The following FMNL2 variants were observed in gnomAD, a reference collection of about 807,000 sequenced individuals.
FMNL2 encodes formin like 2.
A neutral mutation model predicts 130.2 loss-of-function variants in FMNL2; 51 were observed. That is an observed-to-expected ratio of 0.39 (90% CI 0.31 to 0.49). The LOEUF (loss-of-function observed/expected upper bound fraction) is 0.49. Ranked by LOEUF, FMNL2 falls within the 20% of genes least tolerant of loss-of-function variation. The pLI is 0.85. For missense variants in FMNL2, 977 were observed against 1,316.2 expected, an observed-to-expected ratio of 0.74 and a Z score of 3.99; for synonymous variants, 465 against 467.1, an observed-to-expected ratio of 1.00 and a Z score of 0.06.
At chr2:152,631,935 A>G in intron 20 of FMNL2, 73 bp from the exon 21 acceptor site, 1 of 1,501,906 alleles carries the variant, frequency 6.7e-7, no homozygotes, top group Middle Eastern at 1.8e-4. Flanking sequence ...TGGGTGGGAA[A>G]TCGTCACCTG....
At chr2:152,412,501 TAA>T (rs1432523152) in intron 1 of FMNL2, among the ~76,000 whole-genome samples, 4 of 99,012 alleles carry the variant, frequency 4.0e-5, no homozygotes, top group African/African-American at 8.0e-5. Flanking sequence ...TATATATATA[TAA>T]ATTAGAAAAA....
intron 2 of FMNL2, among the ~76,000 whole-genome samples, chr2:152,538,506 C>T (rs1009369081): frequency 1.3e-5 from 2 of 152,188 alleles, no homozygotes; most frequent in African/African-American, 2.4e-5. Flanking sequence ...TCTCAATCTC[C>T]TGACCACAGG....
rs141277375 is a variant in FMNL2, at chr2:152,496,962, C to A, written c.118-24981C>A. The stretch of plus-strand genomic sequence containing the variant: ...GAATCAGTCATTTTTCTAAGAAGCT[C>A]TAGTTCGCCTTATTAGAGAAAGGTA... On this transcript the variant is annotated intron_variant, in intron 1 of 25. Coordinates refer to ENST00000288670, the MANE Select transcript of FMNL2 (RefSeq NM_052905.4). Among the ~76,000 whole-genome samples the A allele has an allele frequency of 9.9e-5, 15 of 151,704 alleles. No homozygotes were observed. The East Asian group carries it at 2.9e-3, about 29-fold the overall frequency.
chr2:152,428,044 A>C (rs1329405220), intron 1 of FMNL2, among the ~76,000 whole-genome samples: 1 of 152,228 alleles, frequency 6.6e-6, no homozygotes, highest in Non-Finnish European at 1.5e-5. Context: ...ATATTGTCAC[A>C]CTGCCAAATT....
intron 20 of FMNL2, among the ~76,000 whole-genome samples, chr2:152,631,392 C>CAAAAAAAAA (rs33966314): frequency 5.2e-5 from 4 of 77,240 alleles, no homozygotes; most frequent in Admixed American, 1.7e-4. Flanking sequence ...GACTCCATCT[C>CAAAAAAAAA]AAAAAAAAAA....
chr2:152,518,435 CTCT>C (rs1397772464), intron 1 of FMNL2, among the ~76,000 whole-genome samples: 2 of 152,200 alleles, frequency 1.3e-5, no homozygotes, highest in Admixed American at 6.5e-5. Context: ...CTTCTTAAGT[CTCT>C]TCTTGTTCAG....
At chr2:152,628,040 C>T (rs983833552) in intron 17 of FMNL2, among the ~76,000 whole-genome samples, 32 of 152,266 alleles carry the variant, frequency 2.1e-4, no homozygotes, top group Admixed American at 1.1e-3. Flanking sequence ...ATGCCAGTAC[C>T]CTAAAAACTG....
chr2:152,593,520 G>T (rs1697547322), intron 9 of FMNL2, among the ~76,000 whole-genome samples: 1 of 152,068 alleles, frequency 6.6e-6, no homozygotes, highest in South Asian at 2.1e-4. Flanking sequence ...CTCAGCCTTG[G>T]ACCCAGTTTG....
intron 25 of FMNL2, chr2:152,645,537 A>C: frequency 2.3e-6 from 3 of 1,284,484 alleles, no homozygotes; most frequent in Non-Finnish European, 3.0e-6. Flanking sequence ...GGCAAGCATC[A>C]CTTTTTACTT....
intron 25 of FMNL2, chr2:152,643,698 C>G (rs1370039092): frequency 2.3e-5 from 23 of 985,348 alleles, no homozygotes; most frequent in Non-Finnish European, 2.5e-5. Context: ...TGCTCACTCA[C>G]TGGCCACTTT....
chr2:152,584,480 TCAA>T, intron 9 of FMNL2, among the ~76,000 whole-genome samples: 1 of 152,306 alleles, frequency 6.6e-6, no homozygotes, highest in East Asian at 1.9e-4. Context: ...GTAGGGGAGT[TCAA>T]CATCTATTTT....
At chr2:152,518,122 T>G (rs1027602218) in intron 1 of FMNL2, among the ~76,000 whole-genome samples, 3 of 152,228 alleles carry the variant, frequency 2.0e-5, no homozygotes, top group Non-Finnish European at 4.4e-5. Context: ...AGTCTTGCCC[T>G]GAACAGCACA....
intron 2 of FMNL2, among the ~76,000 whole-genome samples, chr2:152,530,218 G>A (rs1693612592): frequency 6.6e-6 from 1 of 152,176 alleles, no homozygotes; most frequent in African/African-American, 2.4e-5. Context: ...TCATTGCTAA[G>A]CAAATTAAAA....
At chr2:152,473,921 C>T (rs1463914838) in intron 1 of FMNL2, among the ~76,000 whole-genome samples, 1 of 152,182 alleles carries the variant, frequency 6.6e-6, no homozygotes. Context: ...GTCGCCCAGG[C>T]TGGAGTGCAG....
At chr2:152,556,551 C>T (rs1441595488) in intron 4 of FMNL2, among the ~76,000 whole-genome samples, 2 of 152,170 alleles carry the variant, frequency 1.3e-5, no homozygotes, top group East Asian at 1.9e-4. Flanking sequence ...TGCATTAAAA[C>T]GTATGCATAT....
chr2:152,421,585 C>T (rs1686926554), intron 1 of FMNL2, among the ~76,000 whole-genome samples: 2 of 152,178 alleles, frequency 1.3e-5, no homozygotes, highest in South Asian at 4.1e-4. Flanking sequence ...CTCCCAAAAT[C>T]CTCCTCATGT....
intron 1 of FMNL2, among the ~76,000 whole-genome samples, chr2:152,368,135 A>T (rs771001914): frequency 1.3e-5 from 2 of 152,268 alleles, no homozygotes; most frequent in Non-Finnish European, 2.9e-5. Context: ...CTCAGAAGTG[A>T]TGAGAAACAT....
rs769420867 is a variant in FMNL2, at chr2:152,456,665, C to T, written c.118-65278C>T. Among the ~76,000 whole-genome samples, 18 of 151,962 alleles carry T rather than the reference C, an allele frequency of 1.2e-4. 1 individual carries two copies. The highest frequency in any genetic ancestry group is 2.5e-4 in the Non-Finnish European group (17 of 67,992). On this transcript the variant is annotated intron_variant, in intron 1 of 25. Coordinates refer to ENST00000288670, the MANE Select transcript of FMNL2 (RefSeq NM_052905.4). Reference sequence around the variant, plus strand: ...GGTGTATTTTGAAAACATTTGGGGCCGGGCGCGGTAGCTCACGCCTGTAAT... The same window carrying T: ...GGTGTATTTTGAAAACATTTGGGGCTGGGCGCGGTAGCTCACGCCTGTAAT...
At chr2:152,390,946 T>TA (rs373474932) in intron 1 of FMNL2, among the ~76,000 whole-genome samples, 8 of 152,298 alleles carry the variant, frequency 5.3e-5, no homozygotes, top group Admixed American at 2.0e-4. Flanking sequence ...ATAAATGACT[T>TA]ATAAGAGACA....
Sources: allele counts gnomAD v4.1 joint callset (sites outside exome capture counted in the v4.1 genomes callset), GRCh38; gene constraint gnomAD v4.1.1; transcripts MANE v1.5; gene names NCBI Gene and HGNC (gene_info 2026-07-23, HGNC 2026-07-21).